The following AADAT variants were observed in gnomAD, a reference collection of about 807,000 sequenced individuals.
The protein encoded by AADAT is kynurenine/alpha-aminoadipate aminotransferase, mitochondrial.
A neutral mutation model predicts 56.2 loss-of-function variants in AADAT; 25 were observed. The ratio of observed to expected loss-of-function variants is 0.44; its 90% CI spans 0.32 to 0.62. The LOEUF (loss-of-function observed/expected upper bound fraction) is 0.62, where lower values mean the gene tolerates loss of function less well. Ranked by LOEUF, AADAT falls within the 20% of genes least tolerant of loss-of-function variation. AADAT has a pLI of 0.04. For synonymous variants in AADAT, 173 were observed against 164.7 expected, an observed-to-expected ratio of 1.05 and a Z score of -0.39; for missense variants, 387 against 510.5, an observed-to-expected ratio of 0.76 and a Z score of 2.33.
intron 3 of AADAT, among the ~76,000 whole-genome samples, chr4:170,085,284 C>T (rs369066351): frequency 6.6e-6 from 1 of 152,008 alleles, no homozygotes; most frequent in African/African-American, 2.4e-5. Context: ...GCCCTTAAAC[C>T]CCTGCGTTGT....
At chr4:170,080,147 C>G (rs554058560) in intron 3 of AADAT, among the ~76,000 whole-genome samples, 1 of 152,228 alleles carries the variant, frequency 6.6e-6, no homozygotes, top group South Asian at 2.1e-4. Context: ...TTCCCTCCCA[C>G]AAAACCACTA....
Position 170,061,768 on chromosome 4 carries a change from C to T in AADAT, c.1236+124G>A, listed in dbSNP as rs541461034. On this transcript the variant is annotated intron_variant, in intron 12 of 12. Transcript: ENST00000337664. ...TTAATGATAGTTCATGACTGGTCAA[C>T]AAATATCTGAATTTTAGAAACCCAA... 1.1e-4 allele frequency: 65 copies of T among 606,680 alleles called. 1 individual carries two copies. In the South Asian group the frequency reaches 2.3e-3, roughly 21 times the overall value. The allele number at this position is 606,680 out of a possible 1,614,324, so 37.6% of individuals were successfully genotyped here.
intron 4 of AADAT, 144 bp downstream of exon 4, chr4:170,078,365 G>A (rs1047193309): frequency 1.5e-5 from 7 of 475,156 alleles, no homozygotes; most frequent in African/African-American, 1.4e-4. Context: ...GATAAAATAT[G>A]CTATTTCATT....
At chr4:170,065,152 T>C (rs956932659) in intron 10 of AADAT, among the ~76,000 whole-genome samples, 2 of 152,218 alleles carry the variant, frequency 1.3e-5, no homozygotes, top group Non-Finnish European at 2.9e-5. Context: ...GAACCATACC[T>C]AGACAAACAT....
chr4:170,089,418 G>A (rs1220592301), intron 1 of AADAT: 5 of 622,824 alleles, frequency 8.0e-6, no homozygotes, highest in African/African-American at 3.7e-5. Context: ...TGCTCCAGCA[G>A]AAATACCCGC....
Position 170,060,857 on chromosome 4 carries a change from C to T in AADAT, c.*71G>A. ...CTTGAATTCCTGGGTTCAAGTGATC[C>T]TCCCTCCTCTGCCTCCCAAAGTGCT... On this transcript the variant is annotated 3_prime_UTR_variant, in exon 13 of 13. Transcript: ENST00000337664. 7.6e-7 allele frequency: 1 copy of T among 1,309,820 alleles called. No homozygotes were observed. Among genetic ancestry groups the T allele is most frequent in the Non-Finnish European group, 1.0e-6 (1 of 964,418 alleles). 81.1% of individuals were successfully genotyped at this position (1,309,820 alleles called of 1,614,324 possible). A position where few individuals can be genotyped will look rare whatever the true frequency, so the allele number is the denominator to read the frequency against.
intron 11 of AADAT, among the ~76,000 whole-genome samples, chr4:170,062,803 C>T (rs769868892): frequency 3.9e-5 from 6 of 152,154 alleles, no homozygotes; most frequent in Non-Finnish European, 7.3e-5. Flanking sequence ...CTGCCATGCT[C>T]TTTCCATTTT....
chr4:170,089,089 T>C (rs924439678), intron 1 of AADAT, among the ~76,000 whole-genome samples: 1 of 152,162 alleles, frequency 6.6e-6, no homozygotes, highest in African/African-American at 2.4e-5. Context: ...AAAATAAACA[T>C]ACAGAATAAC....
At chr4:170,074,484 ATGT>A (rs1161281419) in intron 4 of AADAT, among the ~76,000 whole-genome samples, 1 of 152,022 alleles carries the variant, frequency 6.6e-6, no homozygotes, top group Non-Finnish European at 1.5e-5. Flanking sequence ...TTACAAATGA[ATGT>A]TTTTTGATAG....
At chr4:170,072,125 G>A (rs1178992487) in intron 5 of AADAT, among the ~76,000 whole-genome samples, 1 of 152,104 alleles carries the variant, frequency 6.6e-6, no homozygotes, top group Non-Finnish European at 1.5e-5. Context: ...AGACAGCTAC[G>A]AAACTGGACA....
chr4:170,085,821 C>A (rs1397792893), intron 3 of AADAT, among the ~76,000 whole-genome samples: 1 of 151,846 alleles, frequency 6.6e-6, no homozygotes, highest in Non-Finnish European at 1.5e-5. Context: ...CTACTGTAAC[C>A]CATTATTCTG....
Position 170,064,729 on chromosome 4 carries a change from A to C in AADAT, c.1124T>G (p.Val375Gly), listed in dbSNP as rs755665287. 6.2e-7 allele frequency: 1 copy of C among 1,605,438 alleles called. No homozygotes were observed. The highest frequency in any genetic ancestry group is 1.3e-5 in the African/African-American group (1 of 74,512). Residue 375 changes from valine (V) to glycine (G), a missense_variant, in exon 11 of 13, where the codon GTT becomes GGT. Transcript: ENST00000337664. Reference protein sequence around the residue: ...DVKELIEEKAVKMGVLMLPGN... With the variant: ...DVKELIEEKAGKMGVLMLPGN... ...ACCTCCCAGTTTTACCCCCATCTTAACGGCCTTTTCTTCAATCAGTTCTTT... is the reference window on the plus strand; with the variant it reads ...ACCTCCCAGTTTTACCCCCATCTTACCGGCCTTTTCTTCAATCAGTTCTTT...
At chr4:170,083,508 G>C (rs1379577990) in intron 3 of AADAT, among the ~76,000 whole-genome samples, 2 of 151,806 alleles carry the variant, frequency 1.3e-5, no homozygotes, top group East Asian at 3.9e-4. Flanking sequence ...AAATATTTGC[G>C]AACTACCCAT....
At chr4:170,078,476 A>G (rs752154517) in intron 4 of AADAT, 33 bp downstream of exon 4, 72 of 1,347,842 alleles carry the variant, frequency 5.3e-5, no homozygotes, top group Non-Finnish European at 6.9e-5. Context: ...ATTTACTACA[A>G]GAGAGTTGCC....
Position 170,089,392 on chromosome 4 carries a change from A to T in AADAT, c.67+232T>A. The T allele has an allele frequency of 2.0e-5, 12 of 596,894 alleles. No homozygotes were observed. The South Asian group carries it at 2.3e-4, about 12-fold the overall frequency. 37.0% of individuals were successfully genotyped at this position (596,894 alleles called of 1,614,324 possible). ...CCCACAGCAGTCTGCGCCTCTCTCTACTGTTGCTCCTACTCTGCTCCAGCA... is the reference window on the plus strand; with the variant it reads ...CCCACAGCAGTCTGCGCCTCTCTCTTCTGTTGCTCCTACTCTGCTCCAGCA... On this transcript the variant is annotated intron_variant, in intron 1 of 12. Coordinates refer to ENST00000337664, the MANE Select transcript of AADAT (RefSeq NM_016228.4).
intron 5 of AADAT, among the ~76,000 whole-genome samples, chr4:170,071,458 G>A (rs911397446): frequency 6.6e-5 from 10 of 152,170 alleles, no homozygotes; most frequent in Admixed American, 1.3e-4. Context: ...AGGACAGTGC[G>A]GCTGCCCCAA....
At chr4:170,072,213 GTGTGTGTGTA>G (rs1731802932) in intron 5 of AADAT, among the ~76,000 whole-genome samples, 2 of 151,814 alleles carry the variant, frequency 1.3e-5, no homozygotes, top group Non-Finnish European at 2.9e-5. Flanking sequence ...GAACATGACT[GTGTGTGTGTA>G]TGTGTGTGTG....
Position 170,066,850 on chromosome 4 carries a change from C to G in AADAT, c.963-372G>C, listed in dbSNP as rs1258673665. Among the ~76,000 whole-genome samples, 4 of 152,100 alleles carry G rather than the reference C, an allele frequency of 2.6e-5. No homozygotes were observed. In the East Asian group the frequency reaches 5.8e-4, roughly 22 times the overall value. Reference sequence around the variant, plus strand: ...CACCGGTCTGGGAATGCGAATACCCCATTCCTCCTTATTTCTAAATGTCCT... The same window carrying G: ...CACCGGTCTGGGAATGCGAATACCCGATTCCTCCTTATTTCTAAATGTCCT... On this transcript the variant is annotated intron_variant, in intron 9 of 12. Transcript: ENST00000337664.
intron 2 of AADAT, among the ~76,000 whole-genome samples, chr4:170,088,041 C>T: frequency 6.6e-6 from 1 of 151,242 alleles, no homozygotes; most frequent in Non-Finnish European, 1.5e-5. Flanking sequence ...ATGTTTGTTT[C>T]ACCTGGACAT....
Sources: gnomAD v4.1 joint callset for allele counts (sites outside exome capture counted in the v4.1 genomes callset) on GRCh38, gnomAD v4.1.1 for gene constraint, MANE v1.5 for transcripts, NCBI Gene and HGNC (gene_info 2026-07-23, HGNC 2026-07-21) for gene names.